Variants in KCNJ6 observed in about 807,000 individuals in gnomAD.
KCNJ6 encodes the protein G protein-activated inward rectifier potassium channel 2.
In KCNJ6, 9 loss-of-function variants were observed where a neutral mutation model predicts 34.2. The observed-to-expected ratio is 0.26, with a 90% CI of 0.16 to 0.46. The LOEUF is 0.46. Ranked by LOEUF, KCNJ6 falls within the 20% of genes least tolerant of loss-of-function variation. The probability of loss-of-function intolerance (pLI) is 1.00; values close to 1 mark genes in which losing one functional copy is unlikely to be tolerated. For synonymous variants in KCNJ6, 196 were observed against 207.1 expected (o/e 0.95, Z 0.46); for missense variants, 236 against 531.3 (o/e 0.44, Z 5.46).
At chr21:37,820,666 T>A (rs1263705759) in intron 2 of KCNJ6, among the ~76,000 whole-genome samples, 1 of 152,352 alleles carries the variant, frequency 6.6e-6, no homozygotes, top group African/African-American at 2.4e-5. Context: ...CTCAAGAAAG[T>A]GCCATGTCAA....
intron 1 of KCNJ6, among the ~76,000 whole-genome samples, chr21:37,844,665 A>C (rs1238271448): frequency 6.6e-6 from 1 of 152,044 alleles, no homozygotes; most frequent in African/African-American, 2.4e-5. Context: ...CTTGGCAAGC[A>C]CTATTCCCTC....
At chr21:37,652,285 A>T (rs2054437343) in intron 3 of KCNJ6, among the ~76,000 whole-genome samples, 1 of 152,200 alleles carries the variant, frequency 6.6e-6, no homozygotes, top group Non-Finnish European at 1.5e-5. Context: ...AGTGTATTGG[A>T]TTTAAAGACT....
At chr21:37,725,733 T>C (rs1328878086) in intron 2 of KCNJ6, among the ~76,000 whole-genome samples, 2 of 152,198 alleles carry the variant, frequency 1.3e-5, no homozygotes, top group Non-Finnish European at 2.9e-5. Context: ...TCTTTTATAA[T>C]AGTGAAAAAT....
intron 1 of KCNJ6, among the ~76,000 whole-genome samples, chr21:37,855,481 T>A (rs144108791): frequency 6.6e-6 from 1 of 152,278 alleles, no homozygotes; most frequent in East Asian, 1.9e-4. Context: ...AGGAAGATAG[T>A]TAGATTCTGA....
At chr21:37,755,700 C>T (rs959023914) in intron 2 of KCNJ6, among the ~76,000 whole-genome samples, 1 of 152,230 alleles carries the variant, frequency 6.6e-6, no homozygotes, top group African/African-American at 2.4e-5. Flanking sequence ...TTGCCTTGAG[C>T]TCCTGACCCT....
At chr21:37,711,052 G>A (rs887370133) in intron 3 of KCNJ6, among the ~76,000 whole-genome samples, 22 of 152,222 alleles carry the variant, frequency 1.4e-4, no homozygotes, top group African/African-American at 5.3e-4. Flanking sequence ...GCTGTTCTGC[G>A]TGGGCATGGG....
chr21:37,708,621 G>C (rs942360851), intron 3 of KCNJ6, among the ~76,000 whole-genome samples: 6 of 152,090 alleles, frequency 3.9e-5, no homozygotes, highest in Admixed American at 3.9e-4. Flanking sequence ...GATTCCTCCA[G>C]GAAGATGCCT....
rs564167208 is a variant in KCNJ6 at position 37,743,521 on chromosome 21, G to C, written c.26-28390C>G. Among the ~76,000 whole-genome samples the C allele has an allele frequency of 7.9e-5, 12 of 152,242 alleles. No individual in the cohort carries two copies. The South Asian group carries it at 2.5e-3, about 32-fold the overall frequency. On this transcript the variant is annotated intron_variant, in intron 2 of 3. Transcript: ENST00000609713. ...AGGCCACGAGGGCTCCCCCCTCACGGATGGATTAATGCTGCTATTGAGAGA... is the reference window on the plus strand; with the variant it reads ...AGGCCACGAGGGCTCCCCCCTCACGCATGGATTAATGCTGCTATTGAGAGA...
At chr21:37,814,378 T>C (rs1020014390) in intron 2 of KCNJ6, among the ~76,000 whole-genome samples, 16 of 152,100 alleles carry the variant, frequency 1.1e-4, no homozygotes, top group Non-Finnish European at 1.9e-4. Flanking sequence ...GGAGGTTCCT[T>C]AAAAAACTAA....
chr21:37,894,414 C>T (rs1166035006), intron 1 of KCNJ6, among the ~76,000 whole-genome samples: 1 of 152,196 alleles, frequency 6.6e-6, no homozygotes, highest in Non-Finnish European at 1.5e-5. Context: ...CCTGTAATCC[C>T]AGCACTTTGG....
intron 2 of KCNJ6, among the ~76,000 whole-genome samples, chr21:37,775,577 A>T (rs2055138244): frequency 6.6e-6 from 1 of 152,214 alleles, no homozygotes; most frequent in Non-Finnish European, 1.5e-5. Context: ...ATGGCTAGCC[A>T]GTTTTCCCAG....
chr21:37,706,359 A>G (rs1159333408), intron 3 of KCNJ6, among the ~76,000 whole-genome samples: 1 of 152,190 alleles, frequency 6.6e-6, no homozygotes, highest in South Asian at 2.1e-4. Flanking sequence ...GCTCTCAATG[A>G]TTTACTCGAA....
rs537759434 is a variant in KCNJ6 at position 37,703,952 on chromosome 21, T to C, written c.946+10259A>G. 5.3e-5 allele frequency among the ~76,000 whole-genome samples: 8 copies of C among 152,370 alleles called. No individual in the cohort carries two copies. In the South Asian group the frequency reaches 1.4e-3, roughly 28 times the overall value. On this transcript the variant is annotated intron_variant, in intron 3 of 3. Coordinates refer to ENST00000609713, the MANE Select transcript of KCNJ6 (RefSeq NM_002240.5). ...CAGGATGTGACTCCATGCAGCTGTA[T>C]TGGAACCCAGCCCCGCCTTGCCCTG...
chr21:37,662,987 T>A (rs1365099533), intron 3 of KCNJ6, among the ~76,000 whole-genome samples: 1 of 152,196 alleles, frequency 6.6e-6, no homozygotes, highest in East Asian at 1.9e-4. Context: ...TTTAATATTT[T>A]AAATTTTGTA....
chr21:37,694,712 C>T (rs1288967973), intron 3 of KCNJ6, among the ~76,000 whole-genome samples: 3 of 152,184 alleles, frequency 2.0e-5, no homozygotes, highest in African/African-American at 7.2e-5. Flanking sequence ...TTGTGCACCC[C>T]CCAAGTTCCT....
At chr21:37,685,903 A>G (rs2054613154) in intron 3 of KCNJ6, among the ~76,000 whole-genome samples, 1 of 152,024 alleles carries the variant, frequency 6.6e-6, no homozygotes, top group Non-Finnish European at 1.5e-5. Context: ...ATTAATAAAA[A>G]GCAGTTGACC....
chr21:37,638,294 G>A (rs1298131171), intron 3 of KCNJ6, among the ~76,000 whole-genome samples: 2 of 152,124 alleles, frequency 1.3e-5, no homozygotes, highest in African/African-American at 4.8e-5. Context: ...TTAGAGGCGT[G>A]TACCACCATG....
chr21:37,787,578 G>T (rs2055198227), intron 2 of KCNJ6, among the ~76,000 whole-genome samples: 2 of 152,188 alleles, frequency 1.3e-5, no homozygotes, highest in Non-Finnish European at 2.9e-5. Flanking sequence ...ATCTGAGGAT[G>T]GGTCTGCCAA....
rs138945662 is a variant in KCNJ6, at chr21:37,694,486, T to C, written c.946+19725A>G. 1.9e-3 allele frequency among the ~76,000 whole-genome samples: 297 copies of C among 152,332 alleles called. 1 individual carries two copies. The highest frequency in any genetic ancestry group is 6.9e-3 in the African/African-American group (289 of 41,584). ...ATAGGGATTTTGCCTTACATAACTTTAGATAAAGCACCATTGATCAAGCTA... is the reference window on the plus strand; with the variant it reads ...ATAGGGATTTTGCCTTACATAACTTCAGATAAAGCACCATTGATCAAGCTA... On this transcript the variant is annotated intron_variant, in intron 3 of 3. Transcript: ENST00000609713.
Sources: gnomAD v4.1 joint callset for allele counts (sites outside exome capture counted in the v4.1 genomes callset) on GRCh38, gnomAD v4.1.1 for gene constraint, MANE v1.5 for transcripts, NCBI Gene and HGNC (gene_info 2026-07-23, HGNC 2026-07-21) for gene names.